Variants in TLL1 observed in about 807,000 individuals in gnomAD.
TLL1 encodes the protein tolloid like 1, also known as tolloid-like protein 1.
Under a neutral mutation model 128.2 loss-of-function variants are expected in TLL1, and 49 were observed. The observed-to-expected ratio is 0.38, with a 90% confidence interval of 0.30 to 0.48. The LOEUF (loss-of-function observed/expected upper bound fraction) is 0.48, where lower values mean the gene tolerates loss of function less well. Among genes scored for constraint, TLL1 ranks in the 20% least tolerant of loss-of-function variants. The pLI is 0.96. For missense variants in TLL1, 1,123 were observed against 1,242.0 expected, an observed-to-expected ratio of 0.90 and a Z score of 1.44; for synonymous variants, 454 against 418.8, an observed-to-expected ratio of 1.08 and a Z score of -1.03.
At chr4:165,959,573 G>A in intron 1 of TLL1, among the ~76,000 whole-genome samples, 1 of 152,060 alleles carries the variant, frequency 6.6e-6, no homozygotes. Context: ...CATACTTGAA[G>A]ATCAACCACA....
Position 166,100,811 on chromosome 4 carries a change from A to G in TLL1, c.2977A>G (p.Lys993Glu). The change falls in exon 21 of 21, where the codon AAG becomes GAG. Residue 993 changes from lysine to glutamate, a missense_variant. Coordinates refer to ENST00000061240, the MANE Select transcript of TLL1 (RefSeq NM_012464.5). ...TTTCCACACTGATGACACAATCAAC[A>G]AGAAGGGATTTCATATAAGATACAA... Reference protein sequence around the residue: ...IHFHTDDTINKKGFHIRYKSI... With the variant: ...IHFHTDDTINEKGFHIRYKSI... The G allele has an allele frequency of 6.2e-7, 1 of 1,613,132 alleles. No individual in the cohort carries two copies.
At chr4:166,041,615 CCAAGT>C (rs1390756828) in intron 10 of TLL1, among the ~76,000 whole-genome samples, 1 of 152,024 alleles carries the variant, frequency 6.6e-6, no homozygotes, top group Non-Finnish European at 1.5e-5. Context: ...ACATTCTTAA[CCAAGT>C]CATTTCCCTG....
intron 1 of TLL1, among the ~76,000 whole-genome samples, chr4:165,951,009 T>A (rs1734486556): frequency 1.3e-5 from 2 of 152,118 alleles, no homozygotes; most frequent in African/African-American, 4.8e-5. Context: ...GATAAAGTTC[T>A]AACCAGATTG....
At chr4:165,895,633 TAA>T (rs57920393) in intron 1 of TLL1, among the ~76,000 whole-genome samples, 23 of 68,442 alleles carry the variant, frequency 3.4e-4, no homozygotes, top group African/African-American at 2.0e-3. Context: ...AGACTTTTTG[TAA>T]AAAAAAAAAA....
chr4:165,965,447 G>A (rs950288708), intron 1 of TLL1, among the ~76,000 whole-genome samples: 2 of 152,080 alleles, frequency 1.3e-5, no homozygotes, highest in African/African-American at 4.8e-5. Flanking sequence ...GTTAAATTGG[G>A]CACTTTATTT....
chr4:166,009,105 A>G (rs1737565629), intron 7 of TLL1, among the ~76,000 whole-genome samples: 1 of 151,486 alleles, frequency 6.6e-6, no homozygotes. Flanking sequence ...AATATAATTA[A>G]CTGTCCAAAT....
intron 1 of TLL1, among the ~76,000 whole-genome samples, chr4:165,973,423 C>T (rs530137821): frequency 1.9e-3 from 295 of 152,070 alleles, no homozygotes; most frequent in Middle Eastern, 3.4e-3. Flanking sequence ...CCTTTGGAAT[C>T]GAGTCCTTGA....
intron 5 of TLL1, 124 bp from the exon 6 acceptor site, chr4:166,003,267 T>C: frequency 1.1e-6 from 1 of 909,044 alleles, no homozygotes. Flanking sequence ...TAATAAGAGG[T>C]TGTTCTGTTC....
At chr4:165,990,673 T>C (rs1254548936) in intron 2 of TLL1, among the ~76,000 whole-genome samples, 2 of 151,856 alleles carry the variant, frequency 1.3e-5, no homozygotes, top group Non-Finnish European at 2.9e-5. Context: ...CACTTTAATA[T>C]TATTAGGTAG....
At chr4:165,922,200 T>G (rs1387567556) in intron 1 of TLL1, among the ~76,000 whole-genome samples, 1 of 152,186 alleles carries the variant, frequency 6.6e-6, no homozygotes, top group East Asian at 1.9e-4. Context: ...AGGTAAGGAC[T>G]CATTTATTCT....
Position 166,055,288 on chromosome 4 carries a change from T to C in TLL1, c.1720+17T>C. ...TTTTTAAAGGTAATTTGAAATAATT[T>C]TCAAACGTGAGATTTTCTTTATCAA... On this transcript the variant is annotated intron_variant, in intron 13 of 20. Transcript: ENST00000061240. The C allele has an allele frequency of 6.2e-7, 1 of 1,609,022 alleles. No homozygotes were observed. Among genetic ancestry groups the C allele is most frequent in the Non-Finnish European group, 8.5e-7 (1 of 1,175,960 alleles).
intron 1 of TLL1, among the ~76,000 whole-genome samples, chr4:165,983,772 AAAGTCTAGCTTTC>A (rs1736267325): frequency 6.6e-6 from 1 of 151,818 alleles, no homozygotes. Context: ...TCAATTATCC[AAAGTCTAGCTTTC>A]TTATATAGTA....
chr4:166,064,928 C>T (rs1300482933), intron 15 of TLL1, among the ~76,000 whole-genome samples: 1 of 152,064 alleles, frequency 6.6e-6, no homozygotes, highest in African/African-American at 2.4e-5. Context: ...TTGCTAATTA[C>T]ATATTTATGT....
rs1026891150 is a variant in TLL1 at position 166,035,243 on chromosome 4, C to A, written c.1159-4096C>A. ...GTTATTTTAATAGAATAATTCAGCTCTTGGTTTCCACCTGTCATCAAACTG... is the reference window on the plus strand; with the variant it reads ...GTTATTTTAATAGAATAATTCAGCTATTGGTTTCCACCTGTCATCAAACTG... On this transcript the variant is annotated intron_variant, in intron 9 of 20. Transcript: ENST00000061240. Among the ~76,000 whole-genome samples, 129 of 152,134 alleles carry A rather than the reference C, an allele frequency of 8.5e-4. 1 individual carries two copies. The highest frequency in any genetic ancestry group is 8.4e-3 in the Admixed American group (129 of 15,268).
chr4:166,061,799 A>G (rs755554697), intron 15 of TLL1, among the ~76,000 whole-genome samples: 10 of 151,946 alleles, frequency 6.6e-5, no homozygotes, highest in Non-Finnish European at 7.4e-5. Context: ...GTTCATGCCT[A>G]TGTTCTGAAT....
intron 9 of TLL1, among the ~76,000 whole-genome samples, chr4:166,028,430 C>T (rs192230574): frequency 1.3e-5 from 2 of 152,080 alleles, no homozygotes; most frequent in East Asian, 1.9e-4. Context: ...TAGCTTCAGG[C>T]TGATATGACC....
chr4:165,959,823 T>A (rs1052413733), intron 1 of TLL1, among the ~76,000 whole-genome samples: 7 of 152,052 alleles, frequency 4.6e-5, no homozygotes, highest in African/African-American at 1.7e-4. Context: ...ACCTAAATCT[T>A]TGGGATGCAG....
intron 6 of TLL1, among the ~76,000 whole-genome samples, chr4:166,005,997 C>T (rs570437176): frequency 1.3e-5 from 2 of 151,858 alleles, no homozygotes; most frequent in African/African-American, 4.8e-5. Context: ...TGATGGGAAC[C>T]ACTGTAACAG....
intron 12 of TLL1, among the ~76,000 whole-genome samples, chr4:166,045,189 A>G (rs980170430): frequency 6.6e-6 from 1 of 152,092 alleles, no homozygotes; most frequent in Non-Finnish European, 1.5e-5. Context: ...CTATCTTCAT[A>G]TTACTTTATT....
Sources: gnomAD v4.1 joint callset for allele counts (sites outside exome capture counted in the v4.1 genomes callset) on GRCh38, gnomAD v4.1.1 for gene constraint, MANE v1.5 for transcripts, NCBI Gene and HGNC (gene_info 2026-07-23, HGNC 2026-07-21) for gene names.